The following SNX4 variants were observed in gnomAD, a reference collection of about 807,000 sequenced individuals.
SNX4 encodes sorting nexin 4.
In SNX4, 49 loss-of-function variants were observed where a neutral mutation model predicts 70.8. The observed-to-expected ratio is 0.69, with a 90% CI of 0.55 to 0.88. The LOEUF (loss-of-function observed/expected upper bound fraction) is 0.88. SNX4 is among the 40% of genes least tolerant of loss of function. The pLI, the probability that SNX4 is intolerant of heterozygous loss-of-function variation, is 0.00. For synonymous variants in SNX4, 206 were observed against 183.8 expected (o/e 1.12, Z -0.98); for missense variants, 528 against 544.8 (o/e 0.97, Z 0.31).
At chr3:125,469,732 T>C (rs1229027177) in intron 8 of SNX4, among the ~76,000 whole-genome samples, 1 of 151,092 alleles carries the variant, frequency 6.6e-6, no homozygotes, top group Non-Finnish European at 1.5e-5. Context: ...TGCTTGCTGC[T>C]AAGCGGAAGG....
intron 8 of SNX4, among the ~76,000 whole-genome samples, chr3:125,473,604 G>A (rs1001466649): frequency 6.6e-6 from 1 of 152,098 alleles, no homozygotes; most frequent in African/African-American, 2.4e-5. Flanking sequence ...TAGTAGAGAT[G>A]AGGTTTCACC....
rs148111662 is a variant in SNX4 at position 125,483,147 on chromosome 3, A to C, written c.654-2828T>G. On this transcript the variant is annotated intron_variant, in intron 6 of 13. Transcript: ENST00000251775. The stretch of plus-strand genomic sequence containing the variant: ...TTAAATAAAATTAAATTTATATATA[A>C]ATATATATAAATATGTATTTTATAT... Among the ~76,000 whole-genome samples the C allele has an allele frequency of 3.0e-4, 45 of 149,076 alleles. No individual in the cohort carries two copies. The East Asian group carries it at 8.6e-3, about 28-fold the overall frequency.
chr3:125,483,365 C>G (rs1033135787), intron 6 of SNX4, among the ~76,000 whole-genome samples: 1 of 152,002 alleles, frequency 6.6e-6, no homozygotes, highest in African/African-American at 2.4e-5. Context: ...ATCAGGTCTT[C>G]TGGAGCTTCT....
chr3:125,488,898 TC>T (rs1934592724), intron 6 of SNX4, among the ~76,000 whole-genome samples: 2 of 152,166 alleles, frequency 1.3e-5, no homozygotes, highest in African/African-American at 2.4e-5. Flanking sequence ...AATACATAGG[TC>T]CCACCCCATG....
intron 9 of SNX4, among the ~76,000 whole-genome samples, chr3:125,464,850 T>G (rs1299519019): frequency 2.0e-5 from 3 of 152,068 alleles, no homozygotes; most frequent in East Asian, 3.9e-4. Context: ...GTTCAAGTAA[T>G]TCTCCTGCCT....
intron 6 of SNX4, among the ~76,000 whole-genome samples, chr3:125,484,453 C>T (rs1298795593): frequency 6.6e-6 from 1 of 151,924 alleles, no homozygotes; most frequent in Non-Finnish European, 1.5e-5. Flanking sequence ...CGGGGTTTCA[C>T]CATGTTGGCC....
At chr3:125,466,912 G>A (rs555046073) in intron 9 of SNX4, among the ~76,000 whole-genome samples, 31 of 152,056 alleles carry the variant, frequency 2.0e-4, no homozygotes, top group Admixed American at 4.6e-4. Flanking sequence ...GCAAATCCCC[G>A]TCTCTACTAA....
chr3:125,515,433 G>A (rs1277331474), intron 1 of SNX4, among the ~76,000 whole-genome samples: 2 of 151,676 alleles, frequency 1.3e-5, no homozygotes, highest in African/African-American at 2.4e-5. Flanking sequence ...GGGCTGAGGT[G>A]GGAGGATCAC....
Position 125,452,137 on chromosome 3 carries a change from G to A in SNX4, c.1191-718C>T, listed in dbSNP as rs79500330. 9.4e-4 allele frequency among the ~76,000 whole-genome samples: 140 copies of A among 148,730 alleles called. 1 individual carries two copies. In the East Asian group the frequency reaches 0.022, roughly 23 times the overall value. ...TTTTTTTTTTTTGAGACCAAGTCTC[G>A]CTCTGTAGCCCAGGCTGGAGTGCAG... On this transcript the variant is annotated intron_variant, in intron 12 of 13. Coordinates refer to ENST00000251775, the MANE Select transcript of SNX4 (RefSeq NM_003794.4).
In SNX4 at chr3:125,520,080, G is replaced by A. The variant is rs1367692357; in HGVS notation, c.93C>T (p.Val31=). ...GSPDAGLGAA[V]GKEAEGAGEE... is the part of the protein sequence containing the mutation. ...CTCCGGCCCCCTCCGCTTCCTTGCCGACCGCAGCCCCCAGCCCAGCGTCTG... is the reference window on the plus strand; with the variant it reads ...CTCCGGCCCCCTCCGCTTCCTTGCCAACCGCAGCCCCCAGCCCAGCGTCTG... The change falls in exon 1 of 14, where the codon GTC becomes GTT. Residue 31 remains valine (V), a synonymous_variant. Transcript: ENST00000251775. 3 of 1,545,594 alleles carry A rather than the reference G, an allele frequency of 1.9e-6. No individual in the cohort carries two copies. Among genetic ancestry groups the A allele is most frequent in the South Asian group, 2.4e-5 (2 of 83,118 alleles).
chr3:125,460,668 T>C, intron 10 of SNX4, 103 bp downstream of exon 10: 1 of 504,088 alleles, frequency 2.0e-6, no homozygotes. Flanking sequence ...TCTGAGGGAA[T>C]GCATTCATTT....
At chr3:125,465,540 T>A (rs914770168) in intron 9 of SNX4, among the ~76,000 whole-genome samples, 1 of 152,162 alleles carries the variant, frequency 6.6e-6, no homozygotes, top group African/African-American at 2.4e-5. Flanking sequence ...TGATACACTG[T>A]GCCCGGCCTA....
intron 7 of SNX4, 64 bp from the exon 8 acceptor site, chr3:125,476,820 A>T (rs1934299215): frequency 7.5e-6 from 7 of 928,586 alleles, no homozygotes; most frequent in South Asian, 3.0e-5. Flanking sequence ...TAAAAAATAG[A>T]CCCAAAAAAC....
intron 12 of SNX4, among the ~76,000 whole-genome samples, chr3:125,452,323 C>T (rs1276939758): frequency 6.6e-6 from 1 of 151,960 alleles, no homozygotes; most frequent in Admixed American, 6.6e-5. Flanking sequence ...CTTGAACTTC[C>T]GACCTCAGGC....
At chr3:125,471,346 A>AAAC (rs1185254078) in intron 8 of SNX4, among the ~76,000 whole-genome samples, 1,536 of 109,006 alleles carry the variant, frequency 0.014, 88 homozygotes, top group African/African-American at 0.054. Context: ...CTCCATCTCA[A>AAAC]AAAAAAAAAA....
chr3:125,515,221 G>A lies in SNX4; in HGVS notation c.141+4811C>T, dbSNP rs900212584. ...ACAAAAATTAGCCAGGCGTGGTGGC[G>A]TGTGCCTATAGTCCCAGCTACTCAG... On this transcript the variant is annotated intron_variant, in intron 1 of 13. Transcript: ENST00000251775. Among the ~76,000 whole-genome samples, 14 of 151,984 alleles carry A rather than the reference G, an allele frequency of 9.2e-5. 1 individual carries two copies. The highest frequency in any genetic ancestry group is 2.7e-4 in the African/African-American group (11 of 41,484).
chr3:125,465,363 A>G (rs1400348064), intron 9 of SNX4, among the ~76,000 whole-genome samples: 3 of 151,558 alleles, frequency 2.0e-5, no homozygotes, highest in Non-Finnish European at 2.9e-5. Context: ...CTCCTGCCTC[A>G]GCCTCCTGAG....
intron 8 of SNX4, among the ~76,000 whole-genome samples, chr3:125,470,947 G>A (rs1934153811): frequency 1.3e-5 from 2 of 152,150 alleles, no homozygotes; most frequent in Non-Finnish European, 2.9e-5. Flanking sequence ...ACTCAGTCAG[G>A]CAGCTGATCA....
chr3:125,455,358 C>T (rs1234882750), intron 11 of SNX4, among the ~76,000 whole-genome samples: 1 of 152,116 alleles, frequency 6.6e-6, no homozygotes, highest in Non-Finnish European at 1.5e-5. Flanking sequence ...CACTAGGCAA[C>T]TATGGAAATA....
Sources: allele counts gnomAD v4.1 joint callset (sites outside exome capture counted in the v4.1 genomes callset), GRCh38; gene constraint gnomAD v4.1.1; transcripts MANE v1.5; gene names NCBI Gene and HGNC (gene_info 2026-07-23, HGNC 2026-07-21).